SMYD3: variants seen among roughly 807,000 people sequenced by gnomAD.
The protein encoded by SMYD3 is SET and MYND domain containing 3, also known as histone-lysine N-methyltransferase SMYD3.
Under a neutral mutation model 57.7 loss-of-function variants are expected in SMYD3, and 36 were observed. That is an observed-to-expected ratio of 0.62 (90% CI 0.48 to 0.82). SMYD3 has a LOEUF of 0.82. SMYD3 is among the 40% of genes least tolerant of loss of function. The pLI is 0.00. For synonymous variants in SMYD3, 211 were observed against 195.0 expected (o/e 1.08, Z -0.68); for missense variants, 515 against 538.8 (o/e 0.96, Z 0.44).
chr1:246,173,862 A>C (rs1375780481), intron 5 of SMYD3, among the ~76,000 whole-genome samples: 1 of 152,072 alleles, frequency 6.6e-6, no homozygotes, highest in East Asian at 1.9e-4. Flanking sequence ...GCTGAAGTGC[A>C]GTAGCGGGAT....
Position 246,151,274 on chromosome 1 carries a change from G to GA in SMYD3, c.531+175926dup, listed in dbSNP as rs1415169256. The stretch of plus-strand genomic sequence containing the variant: ...AAAAAAAAAAAAAATTCCTTGAGGG[G>GA]AAAAAATAGCCCCACAGCCCCCTAC... On this transcript the variant is annotated intron_variant, in intron 5 of 11. Transcript: ENST00000490107. Among the ~76,000 whole-genome samples the GA allele has an allele frequency of 5.3e-5, 8 of 151,592 alleles. 1 individual carries two copies. The highest frequency in any genetic ancestry group is 3.3e-4 in the Admixed American group (5 of 15,210).
intron 1 of SMYD3, among the ~76,000 whole-genome samples, chr1:246,373,996 AAC>A: frequency 6.6e-6 from 1 of 152,238 alleles, no homozygotes; most frequent in East Asian, 1.9e-4. Context: ...CTTAATTAGA[AAC>A]ACAGTGGGCA....
chr1:246,117,120 A>G (rs2061353173), intron 5 of SMYD3, among the ~76,000 whole-genome samples: 1 of 152,064 alleles, frequency 6.6e-6, no homozygotes, highest in Non-Finnish European at 1.5e-5. Context: ...CAAATAATCC[A>G]CTCTACACTT....
At chr1:245,772,287 T>A (rs1433641520) in intron 10 of SMYD3, among the ~76,000 whole-genome samples, 1 of 152,222 alleles carries the variant, frequency 6.6e-6, no homozygotes, top group East Asian at 1.9e-4. Context: ...TGCATTTCTT[T>A]TACTTCATAA....
intron 5 of SMYD3, among the ~76,000 whole-genome samples, chr1:246,285,352 T>C (rs1165432589): frequency 6.6e-6 from 1 of 152,210 alleles, no homozygotes; most frequent in South Asian, 2.1e-4. Context: ...AATTTCTTTA[T>C]CCACTCATTG....
chr1:245,814,858 G>A (rs761413215), intron 10 of SMYD3, among the ~76,000 whole-genome samples: 9 of 142,540 alleles, frequency 6.3e-5, no homozygotes, highest in African/African-American at 8.5e-5. Context: ...GCACACACAC[G>A]CAAGCACACA....
chr1:246,003,603 T>G (rs2059118419), intron 5 of SMYD3, among the ~76,000 whole-genome samples: 1 of 152,220 alleles, frequency 6.6e-6, no homozygotes, highest in African/African-American at 2.4e-5. Flanking sequence ...AACAAAATTT[T>G]CAATAAGAAA....
intron 5 of SMYD3, among the ~76,000 whole-genome samples, chr1:246,148,910 T>C (rs912738458): frequency 6.6e-6 from 1 of 152,216 alleles, no homozygotes; most frequent in Non-Finnish European, 1.5e-5. Context: ...CTTAGTGCAC[T>C]TGAAGGCTCA....
chr1:246,148,912 G>A (rs2061899255), intron 5 of SMYD3, among the ~76,000 whole-genome samples: 1 of 152,220 alleles, frequency 6.6e-6, no homozygotes, highest in African/African-American at 2.4e-5. Flanking sequence ...TAGTGCACTT[G>A]AAGGCTCAGC....
intron 5 of SMYD3, among the ~76,000 whole-genome samples, chr1:246,162,152 T>C (rs1317664612): frequency 6.6e-6 from 1 of 151,848 alleles, no homozygotes; most frequent in Non-Finnish European, 1.5e-5. Context: ...GTATCTAAAG[T>C]GAGAATGAGT....
intron 5 of SMYD3, among the ~76,000 whole-genome samples, chr1:246,038,348 C>T (rs1274519755): frequency 1.3e-5 from 2 of 152,080 alleles, no homozygotes; most frequent in Non-Finnish European, 2.9e-5. Flanking sequence ...GACCATGCTA[C>T]CACCAAGAGT....
At chr1:245,832,308 G>A (rs187253776) in intron 10 of SMYD3, among the ~76,000 whole-genome samples, 97 of 152,226 alleles carry the variant, frequency 6.4e-4, no homozygotes, top group Non-Finnish European at 1.1e-3. Context: ...GAATTTATCC[G>A]ACATCAAATG....
chr1:246,222,761 C>A (rs2063276413), intron 5 of SMYD3, among the ~76,000 whole-genome samples: 1 of 152,098 alleles, frequency 6.6e-6, no homozygotes, highest in Admixed American at 6.5e-5. Flanking sequence ...CAATGTTCTA[C>A]AATCATACTT....
intron 5 of SMYD3, among the ~76,000 whole-genome samples, chr1:246,154,499 C>T (rs1179847934): frequency 6.6e-6 from 1 of 152,152 alleles, no homozygotes; most frequent in African/African-American, 2.4e-5. Context: ...AATAGCCCTC[C>T]TAGTTTCTTT....
At chr1:246,339,494 G>T (rs2065597114) in intron 2 of SMYD3, among the ~76,000 whole-genome samples, 1 of 147,590 alleles carries the variant, frequency 6.8e-6, no homozygotes, top group African/African-American at 2.5e-5. Context: ...CACAAAAATG[G>T]GGAGTTGGGT....
chr1:246,089,401 GTTA>G (rs1173170664), intron 5 of SMYD3, among the ~76,000 whole-genome samples: 6 of 152,154 alleles, frequency 3.9e-5, no homozygotes, highest in Admixed American at 3.9e-4. Flanking sequence ...AGCACTTCAT[GTTA>G]TTATATTTCC....
At chr1:246,212,498 T>C (rs2063106075) in intron 5 of SMYD3, among the ~76,000 whole-genome samples, 2 of 152,100 alleles carry the variant, frequency 1.3e-5, no homozygotes, top group African/African-American at 4.8e-5. Context: ...ATGCTAATGA[T>C]TTTTGGTGAT....
In SMYD3 at chr1:246,208,786, T is replaced by C. The variant is rs1558316752; in HGVS notation, c.531+118415A>G. On this transcript the variant is annotated intron_variant, in intron 5 of 11. Transcript: ENST00000490107. ...ATGCATTAGCCAAAACCAACTAAAG[T>C]AGTTTTTGGGCTCATGATCATTCAA... Among the ~76,000 whole-genome samples, 3 of 152,110 alleles carry C rather than the reference T, an allele frequency of 2.0e-5. No homozygotes were observed. In the South Asian group the frequency reaches 6.2e-4, roughly 32 times the overall value.
chr1:246,213,524 G>A (rs57879882), intron 5 of SMYD3, among the ~76,000 whole-genome samples: 40,372 of 152,036 alleles, frequency 0.27, 6,103 homozygotes, highest in East Asian at 0.58. Flanking sequence ...AGCAGCAGAA[G>A]TCAACAGAAC....
Sources: gnomAD v4.1 joint callset for allele counts (sites outside exome capture counted in the v4.1 genomes callset) on GRCh38, gnomAD v4.1.1 for gene constraint, MANE v1.5 for transcripts, NCBI Gene and HGNC (gene_info 2026-07-23, HGNC 2026-07-21) for gene names.